The following RAB19 variants were observed in gnomAD, a reference collection of about 807,000 sequenced individuals.
RAB19 encodes the protein ras-related protein Rab-19.
In RAB19, 21 loss-of-function variants were observed where a neutral mutation model predicts 17.3. The ratio of observed to expected loss-of-function variants is 1.21; its 90% CI spans 0.86 to 1.74. RAB19 has a LOEUF of 1.74. RAB19 is among the 40% of genes most tolerant of loss of function. The pLI is 0.00. For synonymous variants in RAB19, 126 were observed against 110.4 expected (o/e 1.14, Z -0.88); for missense variants, 277 against 286.8 (o/e 0.97, Z 0.25).
intron 2 of RAB19, among the ~76,000 whole-genome samples, chr7:140,410,583 C>G (rs1249038368): frequency 1.3e-5 from 2 of 152,054 alleles, no homozygotes; most frequent in African/African-American, 4.8e-5. Context: ...GCCTCGGCCT[C>G]CCAAAGTGCT....
chr7:140,412,104 G>A, intron 3 of RAB19, 47 bp downstream of exon 3: 1 of 1,531,936 alleles, frequency 6.5e-7, no homozygotes, highest in South Asian at 1.1e-5. Flanking sequence ...CTCCTCTGAG[G>A]ATGCTCAGCT....
intron 2 of RAB19, chr7:140,411,115 C>T: frequency 1.5e-6 from 2 of 1,367,072 alleles, no homozygotes; most frequent in Non-Finnish European, 2.0e-6. Context: ...AGGCCCACCT[C>T]TCGGCCGGGC....
chr7:140,418,365 A>G (rs1799497284), intron 3 of RAB19, among the ~76,000 whole-genome samples: 1 of 136,408 alleles, frequency 7.3e-6, no homozygotes, highest in Non-Finnish European at 1.5e-5. Flanking sequence ...CAGCCTGGGC[A>G]ACATGGTGAA....
intron 2 of RAB19, 188 bp from the exon 3 acceptor site, chr7:140,411,686 A>T (rs2948389): frequency 0.42 from 568,872 of 1,355,042 alleles, 121,930 homozygotes; most frequent in Non-Finnish European, 0.45. Context: ...TCCCCAACCA[A>T]GGAGGATATC....
At chr7:140,416,516 G>A (rs1208575711) in intron 3 of RAB19, among the ~76,000 whole-genome samples, 2 of 152,152 alleles carry the variant, frequency 1.3e-5, no homozygotes, top group Non-Finnish European at 2.9e-5. Flanking sequence ...CGGGTCCATA[G>A]CATATGTTAT....
At chr7:140,416,241 T>C (rs1475922830) in intron 3 of RAB19, among the ~76,000 whole-genome samples, 1 of 151,112 alleles carries the variant, frequency 6.6e-6, no homozygotes, top group Non-Finnish European at 1.5e-5. Context: ...GGCGGGAGAG[T>C]CGCTTGAACC....
intron 2 of RAB19, 31 bp downstream of exon 2, chr7:140,407,878 ACCTTT>A: frequency 3.6e-6 from 3 of 835,470 alleles, no homozygotes; most frequent in Non-Finnish European, 3.3e-6. Context: ...GACTGGTTCC[ACCTTT>A]TTTTTTTTTT....
At position 140,419,915 on chromosome 7, in the gene RAB19, T is replaced by C. The variant is rs112898654; in HGVS notation, c.386-5967T>C. 3.5e-3 allele frequency among the ~76,000 whole-genome samples: 540 copies of C among 152,336 alleles called. 2 individuals carry two copies. The highest frequency in any genetic ancestry group is 0.012 in the African/African-American group (515 of 41,588). On this transcript the variant is annotated intron_variant, in intron 3 of 3. Coordinates refer to ENST00000537763, the MANE Select transcript of RAB19 (RefSeq NM_001008749.3). ...ATTGAACACCTTTTCAGGTGTTTGT[T>C]AGCTATTCGGATATCCTCTGTTGTG...
At chr7:140,425,179 G>A (rs190121010) in intron 3 of RAB19, among the ~76,000 whole-genome samples, 2 of 152,152 alleles carry the variant, frequency 1.3e-5, no homozygotes, top group South Asian at 2.1e-4. Context: ...TCAGCTACTC[G>A]GGAGTCTGAG....
At chr7:140,412,245 A>G (rs191224390) in intron 3 of RAB19, among the ~76,000 whole-genome samples, 188 bp downstream of exon 3, 22 of 152,088 alleles carry the variant, frequency 1.4e-4, no homozygotes, top group African/African-American at 4.8e-4. Context: ...AGGTCAGGAG[A>G]TCCAGACCAT....
chr7:140,421,126 C>A (rs769669130), intron 3 of RAB19, among the ~76,000 whole-genome samples: 1 of 152,048 alleles, frequency 6.6e-6, no homozygotes, highest in African/African-American at 2.4e-5. Context: ...CCCCTGACCT[C>A]ATGATCCACC....
Position 140,412,008 on chromosome 7 carries a change from TC to T in RAB19, c.337del (p.His113MetfsTer3), listed in dbSNP as rs1457881908. On this transcript the variant is annotated frameshift_variant, in exon 3 of 4. Transcript: ENST00000537763. LOFTEE classifies it high-confidence loss of function. Reference protein sequence around the residue: ...STFESIPHWIHEIEKYGAANV... With the variant: ...STFESIPHWIXEIEKYGAANV... Reference sequence around the variant, plus strand: ...CGTTCGAGTCCATCCCTCACTGGATTCATGAGATAGAGAAATATGGAGCTGC... The same window carrying T: ...CGTTCGAGTCCATCCCTCACTGGATTATGAGATAGAGAAATATGGAGCTGC... The T allele has an allele frequency of 3.7e-6, 6 of 1,613,868 alleles. No homozygotes were observed. In the African/African-American group the frequency reaches 8.0e-5, roughly 22 times the overall value.
At position 140,419,924 on chromosome 7, in the gene RAB19, G is replaced by A. The variant is rs116634867; in HGVS notation, c.386-5958G>A. On this transcript the variant is annotated intron_variant, in intron 3 of 3. Coordinates refer to ENST00000537763, the MANE Select transcript of RAB19 (RefSeq NM_001008749.3). ...CTTTTCAGGTGTTTGTTAGCTATTC[G>A]GATATCCTCTGTTGTGAAATACTTT... 4.9e-3 allele frequency among the ~76,000 whole-genome samples: 746 copies of A among 152,158 alleles called. 10 individuals are homozygous for A. The highest frequency in any genetic ancestry group is 0.017 in the Middle Eastern group (5 of 294).
intron 1 of RAB19, among the ~76,000 whole-genome samples, chr7:140,405,863 G>T (rs762130263): frequency 1.3e-5 from 2 of 151,712 alleles, no homozygotes; most frequent in Non-Finnish European, 2.9e-5. Flanking sequence ...AGCAAGTCTG[G>T]GATGAGCTCC....
intron 3 of RAB19, among the ~76,000 whole-genome samples, chr7:140,421,037 C>T (rs1406042955): frequency 9.2e-5 from 14 of 151,736 alleles, no homozygotes; most frequent in African/African-American, 3.4e-4. Flanking sequence ...GGATTATAGG[C>T]GCCCACCACC....
chr7:140,422,507 C>A (rs190612442), intron 3 of RAB19, among the ~76,000 whole-genome samples: 78 of 152,250 alleles, frequency 5.1e-4, no homozygotes, highest in African/African-American at 1.7e-3. Context: ...TCCATTCATG[C>A]TCTTGGGAGT....
At chr7:140,408,463 C>T (rs1799291039) in intron 2 of RAB19, among the ~76,000 whole-genome samples, 1 of 151,406 alleles carries the variant, frequency 6.6e-6, no homozygotes, top group Non-Finnish European at 1.5e-5. Flanking sequence ...GGAGTGTAGA[C>T]AGGGCTTTTT....
intron 3 of RAB19, among the ~76,000 whole-genome samples, chr7:140,412,259 G>C (rs1393880530): frequency 6.6e-6 from 1 of 152,124 alleles, no homozygotes; most frequent in East Asian, 1.9e-4. Context: ...AGACCATCCT[G>C]GCTGACACGG....
At chr7:140,420,039 G>A (rs1237080200) in intron 3 of RAB19, among the ~76,000 whole-genome samples, 1 of 152,170 alleles carries the variant, frequency 6.6e-6, no homozygotes, top group East Asian at 1.9e-4. Context: ...GTCTGTGTCA[G>A]TGTGGGTCCT....
Sources: allele counts gnomAD v4.1 joint callset (sites outside exome capture counted in the v4.1 genomes callset), GRCh38; gene constraint gnomAD v4.1.1; transcripts MANE v1.5; gene names NCBI Gene and HGNC (gene_info 2026-07-23, HGNC 2026-07-21).